The following CCDC3 variants were observed in gnomAD, a reference collection of about 807,000 sequenced individuals.
CCDC3 encodes the protein coiled-coil domain-containing protein 3.
A neutral mutation model predicts 21.4 loss-of-function variants in CCDC3; 24 were observed. The ratio of observed to expected loss-of-function variants is 1.12; its 90% confidence interval spans 0.81 to 1.58. CCDC3 has a LOEUF of 1.58. Ranked by LOEUF, CCDC3 falls within the 40% of genes most tolerant of loss-of-function variation. CCDC3 has a pLI of 0.00. For missense variants in CCDC3, 425 were observed against 360.9 expected (o/e 1.18, Z -1.44); for synonymous variants, 186 against 166.0 (o/e 1.12, Z -0.93).
At chr10:13,090,562 G>A (rs1024663511) in intron 3 of CCDC3, among the ~76,000 whole-genome samples, 1 of 152,110 alleles carries the variant, frequency 6.6e-6, no homozygotes, top group Non-Finnish European at 1.5e-5. Flanking sequence ...TTCCAAATAG[G>A]TGTGGACCTC....
chr10:12,910,289 C>T (rs67277213), intron 2 of CCDC3, among the ~76,000 whole-genome samples: 38,721 of 152,118 alleles, frequency 0.25, 5,503 homozygotes, highest in Admixed American at 0.36. Context: ...GGCTACGTAG[C>T]TGTTTTCCTT....
intron 5 of CCDC3, among the ~76,000 whole-genome samples, chr10:13,039,645 G>C (rs1836423599): frequency 6.6e-6 from 1 of 152,124 alleles, no homozygotes; most frequent in African/African-American, 2.4e-5. Flanking sequence ...GATAGTATCG[G>C]GACAGAGATT....
At chr10:12,908,023 G>A (rs1028843721) in intron 2 of CCDC3, among the ~76,000 whole-genome samples, 3 of 152,238 alleles carry the variant, frequency 2.0e-5, no homozygotes, top group Non-Finnish European at 4.4e-5. Flanking sequence ...GTTAAGTCCT[G>A]CTGATGGCCC....
chr10:12,956,024 G>A (rs1835078465), intron 2 of CCDC3, among the ~76,000 whole-genome samples: 2 of 151,932 alleles, frequency 1.3e-5, no homozygotes, highest in Non-Finnish European at 2.9e-5. Context: ...AATTTTTTAA[G>A]AGATAAGATC....
chr10:12,917,918 A>G (rs539863178), intron 2 of CCDC3, among the ~76,000 whole-genome samples: 1 of 152,330 alleles, frequency 6.6e-6, no homozygotes, highest in East Asian at 1.9e-4. Flanking sequence ...ACTAGAAGTT[A>G]TGAACATTTC....
intron 2 of CCDC3, among the ~76,000 whole-genome samples, chr10:12,958,551 G>A (rs1019735903): frequency 6.6e-6 from 1 of 152,294 alleles, no homozygotes. Context: ...TGTGGCAAAC[G>A]GCAGTAGTGC....
At chr10:12,933,454 C>CTT (rs545950029) in intron 2 of CCDC3, among the ~76,000 whole-genome samples, 8 of 115,826 alleles carry the variant, frequency 6.9e-5, no homozygotes, top group African/African-American at 9.5e-5. Flanking sequence ...ATAATATTCC[C>CTT]TTTATTTTTT....
intron 3 of CCDC3, among the ~76,000 whole-genome samples, chr10:13,077,471 G>A (rs12218233): frequency 0.74 from 112,778 of 151,390 alleles, 42,308 homozygotes; most frequent in Middle Eastern, 0.83. Flanking sequence ...TCCCCATTAA[G>A]CTACCAATGA....
chr10:12,950,191 T>C (rs1050543581), intron 2 of CCDC3, among the ~76,000 whole-genome samples: 17 of 152,322 alleles, frequency 1.1e-4, no homozygotes, highest in African/African-American at 2.9e-4. Flanking sequence ...CCATCTCCTA[T>C]AGAAGCTGTT....
At chr10:13,062,908 T>A (rs1369190295) in intron 4 of CCDC3, among the ~76,000 whole-genome samples, 1 of 151,990 alleles carries the variant, frequency 6.6e-6, no homozygotes, top group African/African-American at 2.4e-5. Flanking sequence ...CTTGCTCATC[T>A]GCTCTTATGG....
intron 2 of CCDC3, among the ~76,000 whole-genome samples, chr10:12,955,383 A>G (rs1427741156): frequency 6.6e-6 from 1 of 152,210 alleles, no homozygotes; most frequent in Non-Finnish European, 1.5e-5. Context: ...AACACTTTAG[A>G]GTCTCATTCC....
intron 2 of CCDC3, among the ~76,000 whole-genome samples, chr10:12,942,936 C>T (rs548608653): frequency 5.3e-5 from 8 of 152,066 alleles, no homozygotes; most frequent in Non-Finnish European, 1.0e-4. Flanking sequence ...GGGGTATTAC[C>T]GCAGATGAAT....
At chr10:13,015,708 C>G (rs529843479) in intron 5 of CCDC3, among the ~76,000 whole-genome samples, 4 of 152,026 alleles carry the variant, frequency 2.6e-5, no homozygotes, top group African/African-American at 9.7e-5. Flanking sequence ...TAGAAACAGA[C>G]GTGACACAAT....
chr10:13,018,965 G>C (rs1020034487), intron 5 of CCDC3, among the ~76,000 whole-genome samples: 3 of 151,856 alleles, frequency 2.0e-5, no homozygotes, highest in Non-Finnish European at 4.4e-5. Context: ...CGGGCGCAGT[G>C]GCTCACGCCT....
chr10:12,969,440 G>A (rs1441622115), intron 2 of CCDC3, among the ~76,000 whole-genome samples: 1 of 151,806 alleles, frequency 6.6e-6, no homozygotes, highest in African/African-American at 2.4e-5. Context: ...TTCAATTATG[G>A]TAAATATATA....
intron 3 of CCDC3, among the ~76,000 whole-genome samples, chr10:13,092,851 A>C (rs2131456061): frequency 1.3e-5 from 2 of 152,318 alleles, no homozygotes; most frequent in Admixed American, 1.3e-4. Context: ...CTACAAATTT[A>C]ATGACTGTCT....
intron 5 of CCDC3, among the ~76,000 whole-genome samples, chr10:13,018,969 C>A (rs1836108339): frequency 6.6e-6 from 1 of 151,920 alleles, no homozygotes; most frequent in African/African-American, 2.4e-5. Context: ...CGCAGTGGCT[C>A]ACGCCTGTAA....
chr10:12,921,940 C>T (rs1302943651), intron 2 of CCDC3, among the ~76,000 whole-genome samples: 1 of 152,112 alleles, frequency 6.6e-6, no homozygotes, highest in Non-Finnish European at 1.5e-5. Flanking sequence ...TGCCATGTTG[C>T]CTGGGCTGGT....
chr10:13,028,187 G>C (rs764004153), intron 5 of CCDC3, among the ~76,000 whole-genome samples: 55 of 152,240 alleles, frequency 3.6e-4, no homozygotes, highest in South Asian at 1.7e-3. Flanking sequence ...CATGGGGGTG[G>C]GTTTTTCCCA....
Sources: gnomAD v4.1 joint callset for allele counts (sites outside exome capture counted in the v4.1 genomes callset) on GRCh38, gnomAD v4.1.1 for gene constraint, MANE v1.5 for transcripts, NCBI Gene and HGNC (gene_info 2026-07-23, HGNC 2026-07-21) for gene names.